Variants in DIP2C observed in about 807,000 individuals in gnomAD.
The protein encoded by DIP2C is disco-interacting protein 2 homolog C.
DIP2C carries 33 observed loss-of-function variants against 192.4 expected under a neutral mutation model. The observed-to-expected ratio is 0.17, with a 90% confidence interval of 0.13 to 0.23. DIP2C has a LOEUF of 0.23. DIP2C is among the 10% of genes least tolerant of loss of function. The pLI is 1.00. For synonymous variants in DIP2C, 979 were observed against 864.1 expected, an observed-to-expected ratio of 1.13 and a Z score of -2.33; for missense variants, 1,537 against 2,110.1, an observed-to-expected ratio of 0.73 and a Z score of 5.32.
intron 1 of DIP2C, among the ~76,000 whole-genome samples, chr10:506,076 G>T (rs1845578150): frequency 6.6e-6 from 1 of 152,192 alleles, no homozygotes; most frequent in South Asian, 2.1e-4. Context: ...GGTATGTGCT[G>T]CTAGGTACTG....
chr10:404,606 T>A (rs141749355), intron 9 of DIP2C, among the ~76,000 whole-genome samples: 2 of 152,336 alleles, frequency 1.3e-5, no homozygotes, highest in East Asian at 3.9e-4. Context: ...CATCTGTGTA[T>A]CTAAGTAAGC....
In DIP2C at chr10:384,637, G is replaced by A. The variant is rs569270269; in HGVS notation, c.1665C>T (p.Ser555=). Residue 555 remains serine, a splice_region_variant and synonymous_variant, in exon 15 of 37, where the codon AGC becomes AGT. Coordinates refer to ENST00000280886, the MANE Select transcript of DIP2C (RefSeq NM_014974.3). ...DVGLWHGILT[S]VMNMMHVISI... ...TGATCACATGCATCATGTTCATGACGCTCTGCAATCAACAAAGGAACACGC... is the reference window on the plus strand; with the variant it reads ...TGATCACATGCATCATGTTCATGACACTCTGCAATCAACAAAGGAACACGC... 8.7e-6 allele frequency: 14 copies of A among 1,613,760 alleles called. No homozygotes were observed. In the Admixed American group the frequency reaches 1.0e-4, roughly 12 times the overall value.
chr10:549,135 G>C (rs555946247), intron 1 of DIP2C, among the ~76,000 whole-genome samples: 2 of 152,220 alleles, frequency 1.3e-5, no homozygotes, highest in Non-Finnish European at 2.9e-5. Flanking sequence ...ACAAATAGTA[G>C]CTTTAAGAGT....
At chr10:545,964 T>C (rs1848265950) in intron 1 of DIP2C, among the ~76,000 whole-genome samples, 1 of 152,144 alleles carries the variant, frequency 6.6e-6, no homozygotes, top group African/African-American at 2.4e-5. Flanking sequence ...CCTTTACAGT[T>C]TATTAAAGAT....
At position 363,515 on chromosome 10, in the gene DIP2C, G is replaced by C. The variant is rs1279314612; in HGVS notation, c.2478-204C>G. Reference sequence around the variant, plus strand: ...GCGCCCAGGGATGCTGCCGAGGCAAGGTCACCCTGATCCCCACGGAGGCCA... The same window carrying C: ...GCGCCCAGGGATGCTGCCGAGGCAACGTCACCCTGATCCCCACGGAGGCCA... On this transcript the variant is annotated intron_variant, in intron 20 of 36. Transcript: ENST00000280886. This position sits in a 1 kb window ranked among gnomAD's most constrained non-coding sequence, Gnocchi z 5.4. Among the ~76,000 whole-genome samples, 2 of 152,176 alleles carry C rather than the reference G, an allele frequency of 1.3e-5. 1 individual carries two copies. The highest frequency in any genetic ancestry group is 4.8e-5 in the African/African-American group (2 of 41,438).
intron 1 of DIP2C, among the ~76,000 whole-genome samples, chr10:649,461 C>T (rs2131990773): frequency 6.6e-6 from 1 of 152,352 alleles, no homozygotes; most frequent in African/African-American, 2.4e-5. Context: ...CCTTGACCTT[C>T]ACGAATTTTC....
chr10:385,072 G>A (rs994044090), intron 14 of DIP2C, among the ~76,000 whole-genome samples: 5 of 151,858 alleles, frequency 3.3e-5, no homozygotes, highest in Admixed American at 2.0e-4. Context: ...AGCTCTCAGG[G>A]AGCGCCACGG....
intron 9 of DIP2C, among the ~76,000 whole-genome samples, chr10:406,289 G>A (rs1157199973): frequency 6.6e-6 from 1 of 152,230 alleles, no homozygotes; most frequent in Non-Finnish European, 1.5e-5. Flanking sequence ...TCAGTAGCAT[G>A]AAGCACAATC....
At chr10:369,124 G>A (rs1190269982) in intron 18 of DIP2C, among the ~76,000 whole-genome samples, 1 of 152,250 alleles carries the variant, frequency 6.6e-6, no homozygotes, top group Non-Finnish European at 1.5e-5. Context: ...GGCGGAAGCC[G>A]AGCTTGGCTG....
intron 28 of DIP2C, among the ~76,000 whole-genome samples, chr10:343,056 G>A (rs545016589): frequency 2.6e-5 from 4 of 152,256 alleles, no homozygotes; most frequent in Non-Finnish European, 4.4e-5. Flanking sequence ...TTGGGAGGCC[G>A]AGGCGGGCAG....
At chr10:609,922 G>C (rs957693639) in intron 1 of DIP2C, among the ~76,000 whole-genome samples, 1 of 152,100 alleles carries the variant, frequency 6.6e-6, no homozygotes, top group Non-Finnish European at 1.5e-5. Context: ...TAGTGGAAGC[G>C]AGGGGCACAA....
intron 1 of DIP2C, among the ~76,000 whole-genome samples, chr10:576,354 G>A (rs1206080346): frequency 6.6e-6 from 1 of 152,192 alleles, no homozygotes; most frequent in African/African-American, 2.4e-5. Context: ...TGTGTTGAAA[G>A]GCAATGTTAA....
intron 1 of DIP2C, among the ~76,000 whole-genome samples, chr10:494,828 G>A (rs947439545): frequency 1.3e-5 from 2 of 152,214 alleles, no homozygotes; most frequent in South Asian, 2.1e-4. Context: ...AAATAGCATG[G>A]AGCATCTTCC....
chr10:511,622 C>T (rs1020591500), intron 1 of DIP2C, among the ~76,000 whole-genome samples: 1 of 87,320 alleles, frequency 1.1e-5, no homozygotes, highest in Admixed American at 1.4e-4. Context: ...AGGTGGATCC[C>T]GACACTGACC....
intron 17 of DIP2C, among the ~76,000 whole-genome samples, chr10:381,108 C>G (rs1962331383): frequency 1.3e-5 from 2 of 152,132 alleles, no homozygotes; most frequent in African/African-American, 4.8e-5. Flanking sequence ...TTCTAAGGAC[C>G]AGCATTGGCT....
At chr10:393,013 C>G (rs970623302) in intron 10 of DIP2C, among the ~76,000 whole-genome samples, 6 of 152,180 alleles carry the variant, frequency 3.9e-5, no homozygotes, top group Admixed American at 3.9e-4. Context: ...TGCCGGTGAC[C>G]CAAGGACGGG....
At chr10:547,560 G>C (rs923005989) in intron 1 of DIP2C, among the ~76,000 whole-genome samples, 4 of 152,174 alleles carry the variant, frequency 2.6e-5, no homozygotes, top group African/African-American at 9.7e-5. Flanking sequence ...GAGGAAGGGA[G>C]GGTGGAGAAA....
intron 4 of DIP2C, among the ~76,000 whole-genome samples, chr10:432,907 T>C (rs1190608156): frequency 6.6e-6 from 1 of 152,262 alleles, no homozygotes; most frequent in Non-Finnish European, 1.5e-5. Context: ...GCATTATTTT[T>C]AAGTGTATTG....
chr10:612,303 AT>A (rs764367497), intron 1 of DIP2C, among the ~76,000 whole-genome samples: 2 of 151,566 alleles, frequency 1.3e-5, no homozygotes, highest in African/African-American at 2.4e-5. Flanking sequence ...AAAAAAAAAA[AT>A]AAACCAATAC....
Sources: gnomAD v4.1 joint callset for allele counts (sites outside exome capture counted in the v4.1 genomes callset) on GRCh38, gnomAD v4.1.1 for gene constraint, Gnocchi (gnomAD v3.1) non-coding constraint, MANE v1.5 for transcripts, NCBI Gene and HGNC (gene_info 2026-07-23, HGNC 2026-07-21) for gene names.